KCNK1: variants seen among roughly 807,000 people sequenced by gnomAD.
KCNK1 encodes potassium two pore domain channel subfamily K member 1.
Under a neutral mutation model 22.2 loss-of-function variants are expected in KCNK1, and 10 were observed. The observed-to-expected ratio is 0.45, with a 90% CI of 0.28 to 0.76. KCNK1 has a LOEUF of 0.76. KCNK1 is among the 30% of genes least tolerant of loss of function. The probability of loss-of-function intolerance (pLI) is 0.14; values close to 1 mark genes in which losing one functional copy is unlikely to be tolerated. For missense variants in KCNK1, 378 were observed against 421.0 expected (o/e 0.90, Z 0.89); for synonymous variants, 200 against 186.4 (o/e 1.07, Z -0.60).
Position 233,671,263 on chromosome 1 carries a change from T to C in KCNK1, c.752-8T>C. 6.2e-7 allele frequency: 1 copy of C among 1,613,784 alleles called. No homozygotes were observed. Among genetic ancestry groups the C allele is most frequent in the Non-Finnish European group, 8.5e-7 (1 of 1,179,670 alleles). Reference sequence around the variant, plus strand: ...TCACACTAAGACAGTGTCCTGTTTCTCACACAGGTTACCTGCTACTTGGCC... The same window carrying C: ...TCACACTAAGACAGTGTCCTGTTTCCCACACAGGTTACCTGCTACTTGGCC... On this transcript the variant is annotated splice_polypyrimidine_tract_variant and splice_region_variant and intron_variant, in intron 2 of 2. Transcript: ENST00000366621.
intron 1 of KCNK1, among the ~76,000 whole-genome samples, chr1:233,665,221 A>G (rs1658468710): frequency 6.6e-6 from 1 of 152,250 alleles, no homozygotes; most frequent in South Asian, 2.1e-4. Context: ...TGAATGTGCC[A>G]TTTAACCAGA....
chr1:233,667,503 G>A (rs1558121001), intron 2 of KCNK1, among the ~76,000 whole-genome samples: 1 of 151,972 alleles, frequency 6.6e-6, no homozygotes, highest in Non-Finnish European at 1.5e-5. Flanking sequence ...GGCCGAGGCG[G>A]GCGGATCACG....
At chr1:233,637,046 A>T (rs1042513043) in intron 1 of KCNK1, among the ~76,000 whole-genome samples, 10 of 152,086 alleles carry the variant, frequency 6.6e-5, no homozygotes, top group African/African-American at 2.4e-4. Flanking sequence ...AATTCAAAAA[A>T]TTAGCAGGGA....
Position 233,640,432 on chromosome 1 carries a change from G to A in KCNK1, c.355+25906G>A, listed in dbSNP as rs554910531. Reference sequence around the variant, plus strand: ...ACCTACTGATTAGCTTGAATTCAGCGGACTCATTATATTCTAATTTCATCT... The same window carrying A: ...ACCTACTGATTAGCTTGAATTCAGCAGACTCATTATATTCTAATTTCATCT... On this transcript the variant is annotated intron_variant, in intron 1 of 2. Coordinates refer to ENST00000366621, the MANE Select transcript of KCNK1 (RefSeq NM_002245.4). 1.5e-4 allele frequency among the ~76,000 whole-genome samples: 23 copies of A among 152,092 alleles called. No individual in the cohort carries two copies. In the South Asian group the frequency reaches 4.0e-3, roughly 26 times the overall value.
intron 1 of KCNK1, among the ~76,000 whole-genome samples, chr1:233,656,489 C>T (rs1658296648): frequency 6.6e-6 from 1 of 152,200 alleles, no homozygotes; most frequent in Non-Finnish European, 1.5e-5. Context: ...TTTTTTGGAG[C>T]AATGTTCTTC....
chr1:233,644,795 A>C (rs1427474318), intron 1 of KCNK1, among the ~76,000 whole-genome samples: 4 of 152,134 alleles, frequency 2.6e-5, no homozygotes, highest in African/African-American at 9.7e-5. Flanking sequence ...TTGGTCAAAG[A>C]GGTTGTCGGG....
chr1:233,614,340 C>A lies in KCNK1; in HGVS notation c.169C>A (p.Arg57Ser), dbSNP rs746893186. 1.2e-6 allele frequency: 2 copies of A among 1,611,560 alleles called. No homozygotes were observed. Among genetic ancestry groups the A allele is most frequent in the African/African-American group, 1.3e-5 (1 of 74,868 alleles). ...TGAGGACCTGCTGCGCCAGGAGCTG[C>A]GCAAGCTGAAGCGACGCTTCTTGGA... ...PYEDLLRQELRKLKRRFLEEH... is the reference protein window; with the variant it reads ...PYEDLLRQELSKLKRRFLEEH... The change falls in exon 1 of 3, where the codon CGC becomes AGC. Residue 57 changes from arginine (R) to serine (S), a missense_variant. Arg to Ser is a moderately radical substitution (Grantham distance 110). Coordinates refer to ENST00000366621, the MANE Select transcript of KCNK1 (RefSeq NM_002245.4).
intron 1 of KCNK1, among the ~76,000 whole-genome samples, chr1:233,628,765 A>ATAAT (rs939438417): frequency 6.6e-6 from 1 of 151,746 alleles, no homozygotes; most frequent in Non-Finnish European, 1.5e-5. Flanking sequence ...GTCTCAAATA[A>ATAAT]TAATAATAAT....
At chr1:233,634,980 T>G (rs1243237817) in intron 1 of KCNK1, among the ~76,000 whole-genome samples, 6 of 152,244 alleles carry the variant, frequency 3.9e-5, no homozygotes, top group African/African-American at 1.4e-4. Context: ...AGGCTTCTAC[T>G]CCTTGGCCCA....
chr1:233,656,398 G>T (rs1298519693), intron 1 of KCNK1, among the ~76,000 whole-genome samples: 1 of 152,216 alleles, frequency 6.6e-6, no homozygotes, highest in Non-Finnish European at 1.5e-5. Flanking sequence ...AGTTGCAGCA[G>T]GTCGTCTCAG....
intron 1 of KCNK1, among the ~76,000 whole-genome samples, chr1:233,621,512 G>A (rs1263447163): frequency 6.6e-6 from 1 of 152,166 alleles, no homozygotes; most frequent in Non-Finnish European, 1.5e-5. Flanking sequence ...TGAATGGGAT[G>A]TCATTGTTTT....
intron 1 of KCNK1, among the ~76,000 whole-genome samples, chr1:233,653,970 G>A (rs886163885): frequency 1.3e-5 from 2 of 152,100 alleles, no homozygotes; most frequent in African/African-American, 2.4e-5. Flanking sequence ...GTTCGGAGGT[G>A]CACACTAGAA....
chr1:233,654,815 C>T (rs1295260129), intron 1 of KCNK1, among the ~76,000 whole-genome samples: 2 of 152,158 alleles, frequency 1.3e-5, no homozygotes, highest in Admixed American at 1.3e-4. Flanking sequence ...GGCCAAATGA[C>T]CATCTGATAA....
intron 1 of KCNK1, among the ~76,000 whole-genome samples, chr1:233,656,068 C>T (rs553292321): frequency 1.3e-5 from 2 of 152,256 alleles, no homozygotes; most frequent in Admixed American, 6.5e-5. Flanking sequence ...TTTGTGAGAC[C>T]ATCAGTAATT....
intron 1 of KCNK1, among the ~76,000 whole-genome samples, chr1:233,614,814 G>A (rs1017298829): frequency 5.9e-5 from 9 of 152,158 alleles, no homozygotes; most frequent in African/African-American, 1.9e-4. Context: ...GTAACTCTGG[G>A]GAAGTGGTCC....
At chr1:233,643,606 T>A (rs928080205) in intron 1 of KCNK1, among the ~76,000 whole-genome samples, 4 of 152,156 alleles carry the variant, frequency 2.6e-5, no homozygotes, top group African/African-American at 9.7e-5. Context: ...AGATGGAGAC[T>A]TGGACCTCAT....
At chr1:233,627,432 A>G (rs1657709907) in intron 1 of KCNK1, among the ~76,000 whole-genome samples, 1 of 152,172 alleles carries the variant, frequency 6.6e-6, no homozygotes, top group South Asian at 2.1e-4. Flanking sequence ...TAATTAAAGA[A>G]CCTGGAGAGG....
At chr1:233,662,693 A>T (rs541293395) in intron 1 of KCNK1, among the ~76,000 whole-genome samples, 1 of 152,222 alleles carries the variant, frequency 6.6e-6, no homozygotes, top group Non-Finnish European at 1.5e-5. Flanking sequence ...GTATACTCAT[A>T]CATGCCTCAC....
intron 1 of KCNK1, among the ~76,000 whole-genome samples, chr1:233,633,168 C>A (rs1046750241): frequency 6.6e-6 from 1 of 150,540 alleles, no homozygotes; most frequent in Non-Finnish European, 1.5e-5. Context: ...AGGTTACAAG[C>A]AATACTGGTT....
Sources: allele counts gnomAD v4.1 joint callset (sites outside exome capture counted in the v4.1 genomes callset), GRCh38; gene constraint gnomAD v4.1.1; transcripts MANE v1.5; gene names NCBI Gene and HGNC (gene_info 2026-07-23, HGNC 2026-07-21).